Variants in PCCB observed in about 807,000 individuals in gnomAD.
PCCB encodes the protein propionyl-CoA carboxylase beta chain, mitochondrial.
PCCB carries 43 observed loss-of-function variants against 60.7 expected under a neutral mutation model. The ratio of observed to expected loss-of-function variants is 0.71; its 90% CI spans 0.55 to 0.91. PCCB has a LOEUF of 0.91. PCCB is among the 40% of genes least tolerant of loss of function. The probability of loss-of-function intolerance (pLI) is 0.00; values close to 1 mark genes in which losing one functional copy is unlikely to be tolerated. For missense variants in PCCB, 766 were observed against 702.8 expected, an observed-to-expected ratio of 1.09 and a Z score of -1.02; for synonymous variants, 276 against 255.9, an observed-to-expected ratio of 1.08 and a Z score of -0.75.
intron 9 of PCCB, among the ~76,000 whole-genome samples, chr3:136,310,285 C>G (rs534956915): frequency 1.5e-4 from 23 of 152,054 alleles, no homozygotes; most frequent in Admixed American, 1.1e-3. Context: ...ATTGCTTGAA[C>G]CCAGGAGGCG....
At chr3:136,276,320 G>A (rs1404987580) in intron 5 of PCCB, among the ~76,000 whole-genome samples, 1 of 152,202 alleles carries the variant, frequency 6.6e-6, no homozygotes, top group Admixed American at 6.5e-5. Context: ...AAGGCAGAGA[G>A]GTTCCACCCT....
intron 7 of PCCB, among the ~76,000 whole-genome samples, chr3:136,294,647 A>G (rs1031553624): frequency 6.8e-6 from 1 of 146,248 alleles, no homozygotes; most frequent in East Asian, 2.0e-4. Flanking sequence ...GTCTCATGCT[A>G]TTGCCCAGGC....
chr3:136,300,521 GT>G (rs1385577363), intron 8 of PCCB, among the ~76,000 whole-genome samples: 1 of 152,268 alleles, frequency 6.6e-6, no homozygotes, highest in Non-Finnish European at 1.5e-5. Flanking sequence ...GACAGGTTCT[GT>G]GGTGATTTTG....
At chr3:136,268,114 A>ATATG (rs1942080817) in intron 5 of PCCB, among the ~76,000 whole-genome samples, 1 of 129,668 alleles carries the variant, frequency 7.7e-6, no homozygotes, top group East Asian at 2.1e-4. Flanking sequence ...ATATATATAT[A>ATATG]TATATATGTA....
At chr3:136,254,518 C>CT (rs3994953) in intron 1 of PCCB, among the ~76,000 whole-genome samples, 3,433 of 45,816 alleles carry the variant, frequency 0.075, 494 homozygotes, top group African/African-American at 0.084. Flanking sequence ...CTGCGGCTAG[C>CT]TTTTTTTTTT....
intron 10 of PCCB, among the ~76,000 whole-genome samples, chr3:136,325,130 T>C (rs2011898732): frequency 6.6e-6 from 1 of 152,160 alleles, no homozygotes; most frequent in South Asian, 2.1e-4. Flanking sequence ...CCTCAGGTGA[T>C]CCGCCCACCT....
intron 5 of PCCB, among the ~76,000 whole-genome samples, chr3:136,279,721 G>T (rs1461428160): frequency 6.6e-6 from 1 of 152,086 alleles, no homozygotes. Flanking sequence ...AGGCTGGAGT[G>T]CAGTGGCGTG....
chr3:136,297,845 C>A, intron 7 of PCCB, 107 bp from the exon 8 acceptor site: 1 of 1,223,340 alleles, frequency 8.2e-7, no homozygotes, highest in Non-Finnish European at 1.2e-6. Context: ...GAGCTATCAG[C>A]ACGGTCTGCT....
In PCCB at chr3:136,250,450, C is replaced by T. The variant is rs761030422; in HGVS notation, c.75C>T (p.Val25=). The change falls in exon 1 of 15, where the codon GTC becomes GTT. Residue 25 remains valine, a synonymous_variant. Transcript: ENST00000251654. ...SVLASGLRAA[V]RSLCSQATSV... is the part of the protein sequence containing the mutation. ...TGGCGAGCGGTCTCCGCGCCGCGGT[C>T]CGCAGCCTTTGCAGCCAGGCCACCT... 11 of 1,605,226 alleles carry T rather than the reference C, an allele frequency of 6.9e-6. No homozygotes were observed.
intron 12 of PCCB, 53 bp from the exon 13 acceptor site, chr3:136,327,581 G>A: frequency 7.3e-7 from 1 of 1,372,018 alleles, no homozygotes; most frequent in Admixed American, 1.7e-5. Context: ...GTCTTTCAGG[G>A]ACATGATCTG....
intron 1 of PCCB, among the ~76,000 whole-genome samples, chr3:136,254,783 A>T (rs948934369): frequency 6.9e-6 from 1 of 144,262 alleles, no homozygotes; most frequent in Non-Finnish European, 1.5e-5. Context: ...TGCTCGTCTC[A>T]GCCTCCCAAA....
chr3:136,256,155 C>A, intron 2 of PCCB, 180 bp downstream of exon 2: 1 of 893,188 alleles, frequency 1.1e-6, no homozygotes, highest in Non-Finnish European at 1.7e-6. Context: ...GTTGGTCAGG[C>A]TGGCCTTGAA....
chr3:136,252,207 G>T, intron 1 of PCCB: 1 of 449,630 alleles, frequency 2.2e-6, no homozygotes, highest in South Asian at 1.6e-5. Flanking sequence ...AACAATTTTT[G>T]ACCATTTCCG....
intron 6 of PCCB, among the ~76,000 whole-genome samples, chr3:136,290,390 A>G (rs1448693039): frequency 6.6e-6 from 1 of 152,176 alleles, no homozygotes; most frequent in Admixed American, 6.5e-5. Flanking sequence ...AAATTTGGAT[A>G]TAATTATTAT....
chr3:136,271,781 G>A (rs1217155088), intron 5 of PCCB, among the ~76,000 whole-genome samples: 1 of 152,100 alleles, frequency 6.6e-6, no homozygotes, highest in Non-Finnish European at 1.5e-5. Context: ...AGTTTTCCAA[G>A]TATATATGAT....
chr3:136,305,472 G>C (rs1348894574), intron 9 of PCCB, among the ~76,000 whole-genome samples: 2 of 120,774 alleles, frequency 1.7e-5, no homozygotes, highest in African/African-American at 5.0e-5. Flanking sequence ...CTTCTGGCCG[G>C]GCGTGGTGGC....
intron 5 of PCCB, among the ~76,000 whole-genome samples, chr3:136,270,653 A>G (rs769389121): frequency 6.6e-6 from 1 of 152,030 alleles, no homozygotes; most frequent in Non-Finnish European, 1.5e-5. Flanking sequence ...CTACAGGCAC[A>G]CGCCACTACA....
intron 11 of PCCB, 30 bp downstream of exon 11, chr3:136,326,940 G>T (rs1470108163): frequency 4.9e-6 from 7 of 1,438,558 alleles, no homozygotes; most frequent in African/African-American, 1.4e-5. Flanking sequence ...GGGGCTAGGA[G>T]AGTTGCCTTT....
intron 1 of PCCB, chr3:136,255,602 CT>C (rs1221718661): frequency 2.5e-5 from 13 of 513,946 alleles, no homozygotes; most frequent in African/African-American, 2.3e-4. Flanking sequence ...TTCTCTCTAC[CT>C]TTTCCTCGTC....
Sources: allele counts gnomAD v4.1 joint callset (sites outside exome capture counted in the v4.1 genomes callset), GRCh38; gene constraint gnomAD v4.1.1; transcripts MANE v1.5; gene names NCBI Gene and HGNC (gene_info 2026-07-23, HGNC 2026-07-21).